The following ZMYM4 variants were observed in gnomAD, a reference collection of about 807,000 sequenced individuals.
The protein encoded by ZMYM4 is zinc finger MYM-type containing 4.
A neutral mutation model predicts 183.2 loss-of-function variants in ZMYM4; 31 were observed. The observed-to-expected ratio is 0.17, with a 90% CI of 0.13 to 0.23. The LOEUF is 0.23. ZMYM4 is among the 10% of genes least tolerant of loss of function. The pLI is 1.00. For synonymous variants in ZMYM4, 592 were observed against 631.2 expected, an observed-to-expected ratio of 0.94 and a Z score of 0.93; for missense variants, 1,273 against 1,840.3, an observed-to-expected ratio of 0.69 and a Z score of 5.64.
chr1:35,405,216 T>C, intron 24 of ZMYM4, 22 bp downstream of exon 24: 1 of 1,609,708 alleles, frequency 6.2e-7, no homozygotes, highest in Non-Finnish European at 8.5e-7. Context: ...GCATGAATTG[T>C]ATCTTGATTT....
At chr1:35,276,260 C>T (rs1192115573) in intron 1 of ZMYM4, among the ~76,000 whole-genome samples, 6 of 147,082 alleles carry the variant, frequency 4.1e-5, no homozygotes, top group African/African-American at 9.9e-5. Context: ...CCCTCCCTCC[C>T]TCCTTCCCTC....
Position 35,387,179 on chromosome 1 carries a change from C to A in ZMYM4, c.2013C>A (p.Ala671=), listed in dbSNP as rs747209096. The change falls in exon 12 of 30, where the codon GCC becomes GCA. Residue 671 remains alanine, a synonymous_variant. Transcript: ENST00000314607. ...CAGCTGGTCTCCAGCGTCTCGCTGC[C>A]CAGTCCCAGCATGTTGGGTTTGCAC... ...SAAAGLQRLA[A]QSQHVGFARS... is the part of the protein sequence containing the mutation. 2 of 1,614,228 alleles carry A rather than the reference C, an allele frequency of 1.2e-6. No homozygotes were observed. Among genetic ancestry groups the A allele is most frequent in the South Asian group, 2.2e-5 (2 of 91,084 alleles).
intron 2 of ZMYM4, among the ~76,000 whole-genome samples, chr1:35,331,460 A>G (rs1047076550): frequency 2.0e-5 from 3 of 152,188 alleles, no homozygotes; most frequent in African/African-American, 7.2e-5. Context: ...TTTGCCAGTA[A>G]CTTACAGCAA....
At chr1:35,397,151 A>C in intron 19 of ZMYM4, 3 of 1,103,508 alleles carry the variant, frequency 2.7e-6, no homozygotes, top group Non-Finnish European at 3.3e-6. Context: ...TTATTCTTTT[A>C]GAGGATTCAG....
At chr1:35,397,687 T>A in intron 20 of ZMYM4, 142 bp downstream of exon 20, 1 of 581,848 alleles carries the variant, frequency 1.7e-6, no homozygotes, top group Non-Finnish European at 2.6e-6. Context: ...TTGATTACAC[T>A]TTTTAGTGCT....
chr1:35,384,530 G>A (rs1042086674), intron 9 of ZMYM4, among the ~76,000 whole-genome samples: 4 of 152,066 alleles, frequency 2.6e-5, no homozygotes, highest in Admixed American at 2.0e-4. Context: ...TTAAGATAAC[G>A]GACTCTGGTT....
chr1:35,333,819 T>G (rs1461872769), intron 2 of ZMYM4, among the ~76,000 whole-genome samples: 1 of 152,162 alleles, frequency 6.6e-6, no homozygotes, highest in Non-Finnish European at 1.5e-5. Flanking sequence ...TCTTGAGTAC[T>G]TCATAAAACC....
At position 35,268,906 on chromosome 1, in the gene ZMYM4, C is replaced by T; in HGVS notation, c.-141C>T. On this transcript the variant is annotated 5_prime_UTR_variant, in exon 1 of 30. Coordinates refer to ENST00000314607, the MANE Select transcript of ZMYM4 (RefSeq NM_005095.3). ...CCGGCGCGCGGCATCCGCCCCCTCC[C>T]CACTCTCGGCGCAAGGCCCGGCCGG... 1 of 955,452 alleles carries T rather than the reference C, an allele frequency of 1.0e-6. No homozygotes were observed. 59.2% of individuals were successfully genotyped at this position (955,452 alleles called of 1,614,324 possible).
chr1:35,380,793 G>T (rs901201942), intron 7 of ZMYM4, among the ~76,000 whole-genome samples: 4 of 152,014 alleles, frequency 2.6e-5, no homozygotes, highest in African/African-American at 9.7e-5. Context: ...TTTAGATATG[G>T]TAATGTTATA....
chr1:35,332,055 A>G (rs2148835956), intron 2 of ZMYM4, among the ~76,000 whole-genome samples: 1 of 152,080 alleles, frequency 6.6e-6, no homozygotes, highest in African/African-American at 2.4e-5. Flanking sequence ...ACTAATAGCC[A>G]TGTGGGTGAA....
At position 35,317,450 on chromosome 1, in the gene ZMYM4, A is replaced by AATAG. The variant is rs536392345; in HGVS notation, c.40-7893_40-7890dup. On this transcript the variant is annotated intron_variant, in intron 1 of 29. Coordinates refer to ENST00000314607, the MANE Select transcript of ZMYM4 (RefSeq NM_005095.3). ...CTCTGTCTCAAAAAATAAATAAATA[A>AATAG]ATAGATAGATAGATAGATAGCTTTA... Among the ~76,000 whole-genome samples, 1,514 of 152,210 alleles carry AATAG rather than the reference A, an allele frequency of 9.9e-3. 12 individuals are homozygous for AATAG. The highest frequency in any genetic ancestry group is 0.017 in the Non-Finnish European group (1,179 of 68,002).
At chr1:35,414,369 C>T (rs914633122) in intron 27 of ZMYM4, among the ~76,000 whole-genome samples, 3 of 152,190 alleles carry the variant, frequency 2.0e-5, no homozygotes, top group African/African-American at 7.2e-5. Context: ...GTAGCTTTCA[C>T]ATATCATATC....
At chr1:35,351,233 T>C in intron 2 of ZMYM4, 1 of 1,501,050 alleles carries the variant, frequency 6.7e-7, no homozygotes, top group African/African-American at 1.4e-5. Context: ...GAGGCTTGTC[T>C]GTCCCTCACA....
At chr1:35,286,772 ATTTTTTTTTTTTTTTTTTT>A (rs71062872) in intron 1 of ZMYM4, among the ~76,000 whole-genome samples, 73 of 46,526 alleles carry the variant, frequency 1.6e-3, no homozygotes, top group South Asian at 5.2e-3. Context: ...TATTTAAATA[ATTTTTTTTTTTTTTTTTTT>A]TTTTTTTTTT....
At chr1:35,286,772 A>ATTTTTTTTTTTTTTTTTTTTT (rs71062872) in intron 1 of ZMYM4, among the ~76,000 whole-genome samples, 1 of 46,462 alleles carries the variant, frequency 2.2e-5, no homozygotes, top group Non-Finnish European at 4.4e-5. Context: ...TATTTAAATA[A>ATTTTTTTTTTTTTTTTTTTTT]TTTTTTTTTT....
In ZMYM4 at chr1:35,269,030, T is replaced by G. The variant is rs1207675582; in HGVS notation, c.-17T>G. 5 of 1,540,056 alleles carry G rather than the reference T, an allele frequency of 3.2e-6. No homozygotes were observed. Among genetic ancestry groups the G allele is most frequent in the Non-Finnish European group, 4.4e-6 (5 of 1,143,098 alleles). ...CCACCGCGCGGGGAGCCGCAGCGGT[T>G]CCGAGCGGGGCCCAACATGGCGGAG... On this transcript the variant is annotated 5_prime_UTR_variant, in exon 1 of 30. Coordinates refer to ENST00000314607, the MANE Select transcript of ZMYM4 (RefSeq NM_005095.3).
At chr1:35,269,832 C>A (rs1639507788) in intron 1 of ZMYM4, among the ~76,000 whole-genome samples, 2 of 152,130 alleles carry the variant, frequency 1.3e-5, no homozygotes, top group Admixed American at 6.5e-5. Context: ...TTATTTAATT[C>A]TGAGTGGTTT....
chr1:35,356,594 G>A (rs112563403), intron 2 of ZMYM4, among the ~76,000 whole-genome samples: 3 of 152,030 alleles, frequency 2.0e-5, no homozygotes, highest in African/African-American at 7.2e-5. Flanking sequence ...TGACATTATG[G>A]ACTCAAATCA....
intron 2 of ZMYM4, among the ~76,000 whole-genome samples, chr1:35,341,426 C>T (rs993975607): frequency 2.0e-5 from 3 of 152,018 alleles, no homozygotes; most frequent in Admixed American, 6.6e-5. Flanking sequence ...TTATGCCATT[C>T]ACTAACATTT....
Sources: allele counts gnomAD v4.1 joint callset (sites outside exome capture counted in the v4.1 genomes callset), GRCh38; gene constraint gnomAD v4.1.1; transcripts MANE v1.5; gene names NCBI Gene and HGNC (gene_info 2026-07-23, HGNC 2026-07-21).